The following DLGAP2 variants were observed in gnomAD, a reference collection of about 807,000 sequenced individuals.
DLGAP2 encodes the protein disks large-associated protein 2.
Under a neutral mutation model 100.3 loss-of-function variants are expected in DLGAP2, and 26 were observed. The observed-to-expected ratio is 0.26, with a 90% CI of 0.19 to 0.36. The LOEUF is 0.36. DLGAP2 is among the 10% of genes least tolerant of loss of function. DLGAP2 has a pLI of 1.00. For synonymous variants in DLGAP2, 886 were observed against 630.1 expected (o/e 1.41, Z -6.08); for missense variants, 1,858 against 1,453.2 (o/e 1.28, Z -4.53).
Position 1,284,769 on chromosome 8 carries a change from G to A in DLGAP2, c.106+25886G>A, listed in dbSNP as rs150482134. Among the ~76,000 whole-genome samples, 323 of 152,258 alleles carry A rather than the reference G, an allele frequency of 2.1e-3. 1 individual carries two copies. Among genetic ancestry groups the A allele is most frequent in the African/African-American group, 7.1e-3 (296 of 41,558 alleles). On this transcript the variant is annotated intron_variant, in intron 3 of 14. Coordinates refer to ENST00000637795, the MANE Select transcript of DLGAP2 (RefSeq NM_001346810.2). Reference sequence around the variant, plus strand: ...TGGGACCACAGGCAGGTGCCACCACGCCCAGCTAATTTGCGTGTTTATTGA... The same window carrying A: ...TGGGACCACAGGCAGGTGCCACCACACCCAGCTAATTTGCGTGTTTATTGA...
intron 3 of DLGAP2, among the ~76,000 whole-genome samples, chr8:1,338,755 T>A (rs991838724): frequency 2.0e-5 from 3 of 152,152 alleles, no homozygotes; most frequent in African/African-American, 7.2e-5. Context: ...CAGGATGAGG[T>A]ACGCACCCTG....
chr8:1,389,093 G>A (rs904536765), intron 3 of DLGAP2, among the ~76,000 whole-genome samples: 1 of 152,130 alleles, frequency 6.6e-6, no homozygotes, highest in East Asian at 1.9e-4. Flanking sequence ...TGGTTCAGGT[G>A]TCAGGGCTGT....
chr8:1,665,221 C>G (rs1213464181), intron 8 of DLGAP2, among the ~76,000 whole-genome samples: 1 of 152,010 alleles, frequency 6.6e-6, no homozygotes, highest in African/African-American at 2.4e-5. Flanking sequence ...ATTTTTCAGA[C>G]TCTTTAAATT....
At chr8:1,328,660 A>G (rs915379508) in intron 3 of DLGAP2, among the ~76,000 whole-genome samples, 3 of 152,126 alleles carry the variant, frequency 2.0e-5, no homozygotes, top group Non-Finnish European at 4.4e-5. Context: ...CTTACAGTTA[A>G]TATTCTTAAA....
At chr8:1,206,010 C>A (rs1285438021) in intron 2 of DLGAP2, among the ~76,000 whole-genome samples, 2 of 152,080 alleles carry the variant, frequency 1.3e-5, no homozygotes, top group African/African-American at 4.8e-5. Context: ...TGAAGAGTGA[C>A]CTTGGGGATT....
At chr8:1,483,664 G>GCAGGGAGGCAAGTGCAGGAGGTGGGGAC (rs1799163320) in intron 3 of DLGAP2, among the ~76,000 whole-genome samples, 5 of 121,996 alleles carry the variant, frequency 4.1e-5, no homozygotes, top group African/African-American at 1.7e-4. Context: ...TCTACACAGA[G>GCAGGGAGGCAAGTGCAGGAGGTGGGGAC]CAGGGAGGCA....
At chr8:924,971 G>C (rs1348626725) in intron 2 of DLGAP2, among the ~76,000 whole-genome samples, 3 of 152,172 alleles carry the variant, frequency 2.0e-5, no homozygotes, top group African/African-American at 7.2e-5. Flanking sequence ...AATGGTGAAA[G>C]TGTAGGCACG....
chr8:1,101,328 C>T (rs1221018106), intron 2 of DLGAP2, among the ~76,000 whole-genome samples: 1 of 152,214 alleles, frequency 6.6e-6, no homozygotes, highest in African/African-American at 2.4e-5. Flanking sequence ...CCAGTGTATG[C>T]TCTGCTTGCA....
intron 1 of DLGAP2, among the ~76,000 whole-genome samples, chr8:779,584 C>A (rs947453406): frequency 6.6e-6 from 1 of 151,704 alleles, no homozygotes; most frequent in African/African-American, 2.4e-5. Context: ...CCACCTCAGT[C>A]TCCCAAAGTG....
Position 1,668,407 on chromosome 8 carries a change from C to T in DLGAP2, c.1889C>T (p.Thr630Met), listed in dbSNP as rs775275948. The T allele has an allele frequency of 3.1e-5, 50 of 1,602,424 alleles. No individual in the cohort carries two copies. The highest frequency in any genetic ancestry group is 3.9e-5 in the Non-Finnish European group (46 of 1,174,974). ...RTTSKPLISV[T>M]AQSSTESTQD... ...ACCTCCAAGCCTCTGATCTCGGTGA[C>T]GGCGCAGAGCAGCACCGAATCCACC... is the stretch of plus-strand genomic sequence containing the variant. The change falls in exon 9 of 15, where the codon ACG (threonine) becomes ATG (methionine). Residue 630 changes from threonine to methionine, a missense_variant. Transcript: ENST00000637795.
At chr8:1,107,408 C>A (rs137870080) in intron 2 of DLGAP2, among the ~76,000 whole-genome samples, 1 of 152,170 alleles carries the variant, frequency 6.6e-6, no homozygotes, top group Non-Finnish European at 1.5e-5. Context: ...CAGAGGTCAG[C>A]GAAGGCTTCC....
chr8:1,345,434 A>C (rs1801533303), intron 3 of DLGAP2, among the ~76,000 whole-genome samples: 1 of 152,252 alleles, frequency 6.6e-6, no homozygotes, highest in African/African-American at 2.4e-5. Flanking sequence ...TAAATAAACT[A>C]CGTCTATGAC....
At chr8:935,400 C>G (rs2129004167) in intron 2 of DLGAP2, among the ~76,000 whole-genome samples, 1 of 152,250 alleles carries the variant, frequency 6.6e-6, no homozygotes, top group African/African-American at 2.4e-5. Flanking sequence ...ATTTTGAAGA[C>G]TTGGTATGAA....
At chr8:1,120,167 A>G (rs1215434045) in intron 2 of DLGAP2, among the ~76,000 whole-genome samples, 2 of 152,154 alleles carry the variant, frequency 1.3e-5, no homozygotes, top group African/African-American at 2.4e-5. Context: ...GAGTTAGGCT[A>G]AGGGTTCAGC....
chr8:1,194,483 C>T (rs1432609139), intron 2 of DLGAP2, among the ~76,000 whole-genome samples: 1 of 152,140 alleles, frequency 6.6e-6, no homozygotes, highest in African/African-American at 2.4e-5. Flanking sequence ...CTCAGTCCCA[C>T]TTTCCAGGTC....
chr8:1,285,542 G>T (rs962283691), intron 3 of DLGAP2, among the ~76,000 whole-genome samples: 6 of 152,166 alleles, frequency 3.9e-5, no homozygotes, highest in African/African-American at 1.4e-4. Context: ...AATAATAATA[G>T]TCCACTGCCC....
chr8:847,936 G>C (rs543596238), intron 1 of DLGAP2, among the ~76,000 whole-genome samples: 1 of 152,014 alleles, frequency 6.6e-6, no homozygotes, highest in Non-Finnish European at 1.5e-5. Flanking sequence ...GCTTGCTTGC[G>C]TGTTTGTTTA....
chr8:949,667 T>C (rs142608469), intron 2 of DLGAP2, among the ~76,000 whole-genome samples: 1 of 152,334 alleles, frequency 6.6e-6, no homozygotes, highest in Non-Finnish European at 1.5e-5. Flanking sequence ...TTCTCCTACA[T>C]GTCCTCGTTC....
chr8:1,098,650 A>ACCCACGCCAGGCTCCCGGCCGCCCACGGG (rs1563190802), intron 2 of DLGAP2, among the ~76,000 whole-genome samples: 1 of 51,354 alleles, frequency 1.9e-5, no homozygotes, highest in African/African-American at 1.0e-4. Flanking sequence ...CCGCCCACGG[A>ACCCACGCCAGGCTCCCGGCCGCCCACGGG]CGCCGCCACC....
Sources: allele counts gnomAD v4.1 joint callset (sites outside exome capture counted in the v4.1 genomes callset), GRCh38; gene constraint gnomAD v4.1.1; transcripts MANE v1.5; gene names NCBI Gene and HGNC (gene_info 2026-07-23, HGNC 2026-07-21).